Variants in TMPRSS11E observed in about 807,000 individuals in gnomAD.
The protein encoded by TMPRSS11E is transmembrane serine protease 11E.
In TMPRSS11E, 38 loss-of-function variants were observed where a neutral mutation model predicts 48.1. The observed-to-expected ratio is 0.79, with a 90% confidence interval of 0.61 to 1.04. The LOEUF is 1.04. TMPRSS11E is among the 50% of genes least tolerant of loss of function. The pLI is 0.00. For missense variants in TMPRSS11E, 530 were observed against 510.8 expected (o/e 1.04, Z -0.36); for synonymous variants, 158 against 171.9 (o/e 0.92, Z 0.63).
intron 9 of TMPRSS11E, among the ~76,000 whole-genome samples, chr4:68,490,159 GGTTA>G (rs1438110829): frequency 1.3e-5 from 2 of 152,050 alleles, no homozygotes; most frequent in Admixed American, 1.3e-4. Context: ...CCCTGTGCAG[GGTTA>G]CCAGCTTCCT....
At chr4:68,493,235 T>C (rs769491919) in intron 9 of TMPRSS11E, among the ~76,000 whole-genome samples, 2 of 152,130 alleles carry the variant, frequency 1.3e-5, no homozygotes, top group African/African-American at 4.8e-5. Context: ...TATCCGTACA[T>C]ACCCTGATAA....
At chr4:68,477,324 G>C (rs561480592) in intron 7 of TMPRSS11E, 45 bp from the exon 8 acceptor site, 5 of 1,545,408 alleles carry the variant, frequency 3.2e-6, no homozygotes, top group South Asian at 2.5e-5. Flanking sequence ...TATTCGACTG[G>C]TAGCATGGTA....
chr4:68,466,599 A>G (rs763076616), intron 2 of TMPRSS11E, 32 bp from the exon 3 acceptor site: 43 of 1,605,490 alleles, frequency 2.7e-5, no homozygotes, highest in Non-Finnish European at 3.3e-5. Flanking sequence ...TCTGATAAAA[A>G]TTATGATAGT....
At chr4:68,480,856 G>A (rs568739382) in intron 9 of TMPRSS11E, among the ~76,000 whole-genome samples, 34 of 152,154 alleles carry the variant, frequency 2.2e-4, no homozygotes, top group African/African-American at 8.2e-4. Flanking sequence ...TGTTACATGG[G>A]TAAATTGTGT....
Position 68,476,302 on chromosome 4 carries a change from AGGATCGTT to A in TMPRSS11E, c.574_581del (p.Ile192TrpfsTer8). On this transcript the variant is annotated frameshift_variant, in exon 7 of 10. Transcript: ENST00000305363. LOFTEE classifies it high-confidence loss of function. ...AAGTAAAACTCTAGGTCAGAGTCTCAGGATCGTTGGTGGGACAGAAGTAGAAGAGGGTG... is the reference window on the plus strand; with the variant it reads ...AAGTAAAACTCTAGGTCAGAGTCTCAGGTGGGACAGAAGTAGAAGAGGGTG... 6.2e-7 allele frequency: 1 copy of A among 1,614,166 alleles called. No individual in the cohort carries two copies. Among genetic ancestry groups the A allele is most frequent in the East Asian group, 2.2e-5 (1 of 44,878 alleles).
rs377068765 is a variant in TMPRSS11E at position 68,478,451 on chromosome 4, C to CTTTTT, written c.968-381_968-377dup. Reference sequence around the variant, plus strand: ...AAGCCACCGCACCCGGTATCCCCCGCTTTTTTTTTTTTTTTTTTTTTAAGA... The same window carrying CTTTTT: ...AAGCCACCGCACCCGGTATCCCCCGCTTTTTTTTTTTTTTTTTTTTTTTTTTAAGA... On this transcript the variant is annotated intron_variant, in intron 8 of 9. Transcript: ENST00000305363. 5.5e-3 allele frequency among the ~76,000 whole-genome samples: 407 copies of CTTTTT among 73,624 alleles called. 27 individuals are homozygous for CTTTTT. Among genetic ancestry groups the CTTTTT allele is most frequent in the African/African-American group, 8.9e-3 (164 of 18,492 alleles). The allele number at this position is 73,624 out of a possible 152,430, so 48.3% of individuals were successfully genotyped here. A position where few individuals can be genotyped will look rare whatever the true frequency, so the allele number is the denominator to read the frequency against.
intron 1 of TMPRSS11E, among the ~76,000 whole-genome samples, chr4:68,449,206 A>G (rs762638340): frequency 2.0e-5 from 3 of 151,650 alleles, no homozygotes; most frequent in African/African-American, 4.8e-5. Context: ...CATTTTCTCC[A>G]AACTCTTATT....
chr4:68,450,646 A>G (rs1040136385), intron 1 of TMPRSS11E, among the ~76,000 whole-genome samples: 1 of 151,974 alleles, frequency 6.6e-6, no homozygotes, highest in Non-Finnish European at 1.5e-5. Context: ...ATGCACATTT[A>G]TGCTGAGGAA....
chr4:68,476,107 AC>A (rs1181448286), intron 6 of TMPRSS11E, among the ~76,000 whole-genome samples, 153 bp from the exon 7 acceptor site: 1 of 152,228 alleles, frequency 6.6e-6, no homozygotes, highest in Non-Finnish European at 1.5e-5. Context: ...TAAATAAAAC[AC>A]TACAGTTTAC....
At chr4:68,448,346 T>G (rs191854864) in intron 1 of TMPRSS11E, among the ~76,000 whole-genome samples, 21 of 152,076 alleles carry the variant, frequency 1.4e-4, no homozygotes, top group African/African-American at 4.8e-4. Context: ...TTCTACATAC[T>G]TGTTATTAGA....
intron 9 of TMPRSS11E, among the ~76,000 whole-genome samples, chr4:68,493,468 A>AT (rs1217968264): frequency 6.6e-6 from 1 of 151,964 alleles, no homozygotes; most frequent in Non-Finnish European, 1.5e-5. Flanking sequence ...CATGGCACCC[A>AT]TTTTTTTGGG....
intron 7 of TMPRSS11E, among the ~76,000 whole-genome samples, chr4:68,476,905 T>C (rs1729234118): frequency 6.6e-6 from 1 of 152,176 alleles, no homozygotes; most frequent in Non-Finnish European, 1.5e-5. Flanking sequence ...GATTGACTAA[T>C]TATATTGCAA....
chr4:68,495,420 T>C (rs1165441436), intron 9 of TMPRSS11E, among the ~76,000 whole-genome samples: 1 of 152,122 alleles, frequency 6.6e-6, no homozygotes, highest in Non-Finnish European at 1.5e-5. Context: ...TGGGATTTTA[T>C]TATCAAAATT....
chr4:68,484,479 T>C (rs1480757930), intron 9 of TMPRSS11E, among the ~76,000 whole-genome samples: 1 of 152,072 alleles, frequency 6.6e-6, no homozygotes, highest in Admixed American at 6.6e-5. Context: ...GCTAATTTTT[T>C]AGATTTTTGG....
rs1271631965 is a variant in TMPRSS11E at position 68,492,045 on chromosome 4, C to A, written c.1111-4598C>A. Among the ~76,000 whole-genome samples the A allele has an allele frequency of 2.0e-5, 3 of 152,170 alleles. No individual in the cohort carries two copies. The East Asian group carries it at 5.8e-4, about 29-fold the overall frequency. ...ACTCTGGCAAATGCCCAAGTTTAGA[C>A]TCACTTCATTTTGTTTCTTTTTCTG... On this transcript the variant is annotated intron_variant, in intron 9 of 9. Transcript: ENST00000305363.
chr4:68,475,437 C>T (rs1279696092), intron 6 of TMPRSS11E, among the ~76,000 whole-genome samples: 5 of 152,106 alleles, frequency 3.3e-5, no homozygotes, highest in Admixed American at 2.6e-4. Context: ...TACTCACCAG[C>T]TCATATAGTT....
intron 9 of TMPRSS11E, among the ~76,000 whole-genome samples, chr4:68,491,254 A>G (rs1224031806): frequency 1.5e-5 from 2 of 134,158 alleles, no homozygotes; most frequent in Non-Finnish European, 3.1e-5. Context: ...ACTTGTTGGC[A>G]GGTTGCCAGG....
chr4:68,485,180 T>C (rs1439996947), intron 9 of TMPRSS11E, among the ~76,000 whole-genome samples: 2 of 152,082 alleles, frequency 1.3e-5, no homozygotes, highest in Admixed American at 6.6e-5. Flanking sequence ...AGAGTCTCGC[T>C]TTGTCACCCA....
chr4:68,491,822 T>C (rs1166817629), intron 9 of TMPRSS11E, among the ~76,000 whole-genome samples: 1 of 151,834 alleles, frequency 6.6e-6, no homozygotes, highest in Non-Finnish European at 1.5e-5. Context: ...TTTCTAAGAT[T>C]TTTTTTTACA....
Sources: allele counts gnomAD v4.1 joint callset (sites outside exome capture counted in the v4.1 genomes callset), GRCh38; gene constraint gnomAD v4.1.1; transcripts MANE v1.5; gene names NCBI Gene and HGNC (gene_info 2026-07-23, HGNC 2026-07-21).